Variants in COL21A1 observed in about 807,000 individuals in gnomAD.
COL21A1 encodes collagen type XXI alpha 1 chain.
In COL21A1, 149 loss-of-function variants were observed where a neutral mutation model predicts 137.9. The observed-to-expected ratio is 1.08, with a 90% confidence interval of 0.95 to 1.24. The LOEUF is 1.24. Ranked by LOEUF, COL21A1 falls within the 50% of genes most tolerant of loss-of-function variation. COL21A1 has a pLI of 0.00. For synonymous variants in COL21A1, 456 were observed against 391.5 expected (o/e 1.16, Z -1.95); for missense variants, 1,167 against 1,158.4 (o/e 1.01, Z -0.11).
chr6:56,090,606 T>G (rs1350887420), intron 17 of COL21A1, among the ~76,000 whole-genome samples: 2 of 152,160 alleles, frequency 1.3e-5, no homozygotes, highest in African/African-American at 4.8e-5. Flanking sequence ...TTACATTATT[T>G]TAGATAAAGC....
At chr6:56,175,379 A>G (rs1398681203) in intron 3 of COL21A1, among the ~76,000 whole-genome samples, 3 of 152,038 alleles carry the variant, frequency 2.0e-5, no homozygotes, top group Non-Finnish European at 4.4e-5. Context: ...AACATAGAAA[A>G]CCCTAATGAT....
chr6:56,377,279 G>A (rs182049371), intron 1 of COL21A1, among the ~76,000 whole-genome samples: 25 of 152,030 alleles, frequency 1.6e-4, no homozygotes, highest in East Asian at 5.8e-4. Flanking sequence ...GTGAGCCACC[G>A]CGCCCGGCCC....
At chr6:56,129,699 T>TGTGTGTGTCA (rs1450514214) in intron 12 of COL21A1, among the ~76,000 whole-genome samples, 1 of 120,440 alleles carries the variant, frequency 8.3e-6, no homozygotes, top group African/African-American at 3.1e-5. Context: ...TGTGTGTGTG[T>TGTGTGTGTCA]GAGAGAGAGA....
intron 9 of COL21A1, among the ~76,000 whole-genome samples, chr6:56,162,007 A>C (rs1776239483): frequency 1.3e-5 from 2 of 152,208 alleles, no homozygotes. Context: ...GGACTTCTGC[A>C]AACCTTTCCA....
rs567883544 is a variant in COL21A1, at chr6:56,180,846, C to T, written c.89-717G>A. Among the ~76,000 whole-genome samples, 28 of 152,306 alleles carry T rather than the reference C, an allele frequency of 1.8e-4. 1 individual carries two copies. The highest frequency in any genetic ancestry group is 4.6e-4 in the Admixed American group (7 of 15,296). On this transcript the variant is annotated intron_variant, in intron 2 of 29. Coordinates refer to ENST00000244728, the MANE Select transcript of COL21A1 (RefSeq NM_030820.4). Reference sequence around the variant, plus strand: ...AGACAAATATAGCTGTTCTTTTCTGCGCATTCTGTTAGCCATTCCAAACTA... The same window carrying T: ...AGACAAATATAGCTGTTCTTTTCTGTGCATTCTGTTAGCCATTCCAAACTA...
intron 1 of COL21A1, among the ~76,000 whole-genome samples, chr6:56,279,349 A>G (rs1032130258): frequency 1.8e-4 from 27 of 152,196 alleles, no homozygotes; most frequent in Non-Finnish European, 1.0e-4. Flanking sequence ...TTATTTATAA[A>G]TTATCCAGTC....
intron 1 of COL21A1, among the ~76,000 whole-genome samples, chr6:56,219,360 T>C (rs1224724800): frequency 2.0e-5 from 3 of 151,908 alleles, no homozygotes; most frequent in Non-Finnish European, 4.4e-5. Context: ...TGACATGCAC[T>C]GAAAACTGCA....
chr6:56,296,921 T>TC (rs1440714615), intron 1 of COL21A1, among the ~76,000 whole-genome samples: 1 of 152,038 alleles, frequency 6.6e-6, no homozygotes, highest in African/African-American at 2.4e-5. Context: ...ATATTCTTCA[T>TC]CATTGACATG....
At chr6:56,105,580 G>A (rs1770816551) in intron 16 of COL21A1, among the ~76,000 whole-genome samples, 1 of 152,074 alleles carries the variant, frequency 6.6e-6, no homozygotes. Context: ...TCTATAACTA[G>A]GAGAGAATAT....
chr6:56,276,491 G>T lies in COL21A1; in HGVS notation c.-38-93835C>A, dbSNP rs187887359. The T allele has an allele frequency of 2.8e-3, 2,370 of 861,594 alleles. 3 individuals are homozygous for T. The highest frequency in any genetic ancestry group is 3.8e-3 in the Non-Finnish European group (2,101 of 557,456). The allele number at this position is 861,594 out of a possible 1,614,324, so 53.4% of individuals were successfully genotyped here. A position where few individuals can be genotyped will look rare whatever the true frequency, so the allele number is the denominator to read the frequency against. On this transcript the variant is annotated intron_variant, in intron 1 of 28. Transcript: ENST00000370819. ...TACATACTTTTTTCAGAGAGAGGGG[G>T]AACAACTTAAAATAAACCAGAAAAC...
chr6:56,316,322 C>T (rs753717611), intron 1 of COL21A1, among the ~76,000 whole-genome samples: 2 of 151,940 alleles, frequency 1.3e-5, no homozygotes, highest in South Asian at 4.1e-4. Context: ...GAACTTATTG[C>T]TAACCAGTAT....
chr6:56,057,830 G>C lies in COL21A1; in HGVS notation c.2701C>G (p.Pro901Ala), dbSNP rs1284288830. ...GGAGGACCTTCTTTGCTTATTCCAG[G>C]AGGGCCCTCTGGACCTAAGATGGGA... ...PPGPPGPEGPPGISKEGPPGD... is the reference protein window; with the variant it reads ...PPGPPGPEGPAGISKEGPPGD... The change falls in exon 30 of 30, where the codon CCT (proline) becomes GCT (alanine). Residue 901 changes from proline (P) to alanine (A), a missense_variant. Physicochemically the swap from Pro to Ala is conservative, Grantham distance 27. Coordinates refer to ENST00000244728, the MANE Select transcript of COL21A1 (RefSeq NM_030820.4). The C allele has an allele frequency of 1.3e-6, 2 of 1,565,110 alleles. No homozygotes were observed. Among genetic ancestry groups the C allele is most frequent in the Non-Finnish European group, 1.7e-6 (2 of 1,160,082 alleles).
rs778958281 is a variant in COL21A1, at chr6:56,060,744, T to A, written c.2404A>T (p.Arg802Ter). 6 of 1,602,944 alleles carry A rather than the reference T, an allele frequency of 3.7e-6. No homozygotes were observed. The highest frequency in any genetic ancestry group is 5.1e-6 in the Non-Finnish European group (6 of 1,177,024). The stretch of plus-strand genomic sequence containing the variant: ...AAATGCTATATTTGATACCTACCTC[T>A]TATTACATCTGTGCAAACTTGTCGA... ...FIRQVCTDVI[R>*]AQLPVLLQSG... Residue 802 changes from arginine to a stop codon, truncating the protein, a stop_gained, in exon 27 of 30, where the codon AGA becomes TGA. Transcript: ENST00000244728. LOFTEE classifies it high-confidence loss of function.
At chr6:56,170,922 A>G (rs1776989939) in intron 4 of COL21A1, 38 bp downstream of exon 4, 1 of 1,590,212 alleles carries the variant, frequency 6.3e-7, no homozygotes, top group East Asian at 2.2e-5. Flanking sequence ...CCACAGACAT[A>G]TCCCCCCAAA....
intron 17 of COL21A1, among the ~76,000 whole-genome samples, chr6:56,092,084 C>A (rs983351067): frequency 2.0e-5 from 3 of 151,800 alleles, no homozygotes; most frequent in African/African-American, 7.3e-5. Flanking sequence ...TGTAGTCTAG[C>A]AAAGTTGGCA....
chr6:56,276,434 G>A, intron 1 of COL21A1: 1 of 577,846 alleles, frequency 1.7e-6, no homozygotes, highest in Non-Finnish European at 3.0e-6. Flanking sequence ...TTTTTTTAAA[G>A]TCAACAAAAG....
At chr6:56,289,021 C>A (rs902639216) in intron 1 of COL21A1, among the ~76,000 whole-genome samples, 2 of 152,132 alleles carry the variant, frequency 1.3e-5, no homozygotes, top group African/African-American at 4.8e-5. Flanking sequence ...TATTTAAATT[C>A]TCCAAGTCTT....
intron 1 of COL21A1, among the ~76,000 whole-genome samples, chr6:56,305,740 G>A (rs372677031): frequency 5.9e-5 from 9 of 151,806 alleles, no homozygotes; most frequent in South Asian, 4.2e-4. Flanking sequence ...TTACATTTAA[G>A]GTTAATATTG....
intron 23 of COL21A1, among the ~76,000 whole-genome samples, chr6:56,066,953 C>CTGTG (rs66584550): frequency 1.7e-3 from 244 of 144,788 alleles, no homozygotes; most frequent in African/African-American, 5.8e-3. Flanking sequence ...TGGAAACACA[C>CTGTG]TGTGTGTGTG....
Sources: allele counts gnomAD v4.1 joint callset (sites outside exome capture counted in the v4.1 genomes callset), GRCh38; gene constraint gnomAD v4.1.1; transcripts MANE v1.5; gene names NCBI Gene and HGNC (gene_info 2026-07-23, HGNC 2026-07-21).